RGS3: variants seen among roughly 807,000 people sequenced by gnomAD.
RGS3 encodes the protein regulator of G-protein signalling 3.
RGS3 carries 80 observed loss-of-function variants against 132.6 expected under a neutral mutation model. That is an observed-to-expected ratio of 0.60 (90% CI 0.50 to 0.73). The LOEUF is 0.73. RGS3 is among the 30% of genes least tolerant of loss of function. The pLI, the probability that RGS3 is intolerant of heterozygous loss-of-function variation, is 0.00. For missense variants in RGS3, 1,382 were observed against 1,530.8 expected, an observed-to-expected ratio of 0.90 and a Z score of 1.62; for synonymous variants, 598 against 620.6, an observed-to-expected ratio of 0.96 and a Z score of 0.54.
intron 1 of RGS3, among the ~76,000 whole-genome samples, chr9:113,445,235 T>C (rs1588121409): frequency 2.0e-5 from 3 of 152,220 alleles, no homozygotes; most frequent in Middle Eastern, 6.8e-3. Context: ...TTTGCTCTTG[T>C]TGCCTAGGCT....
chr9:113,583,347 C>T (rs779918770), intron 19 of RGS3, 103 bp from the exon 18 acceptor site: 145 of 1,475,832 alleles, frequency 9.8e-5, no homozygotes, highest in East Asian at 2.5e-4. Context: ...ACTGGGGGCC[C>T]GGGGTTCAGG....
exon 7 of RGS3, chr9:113,485,659 T>C (rs1830308925): frequency 1.3e-6 from 2 of 1,597,874 alleles, no homozygotes; most frequent in East Asian, 4.5e-5. Flanking sequence ...GAAGCGTCTC[T>C]TGGTTACTGT....
intron 1 of RGS3, among the ~76,000 whole-genome samples, chr9:113,451,588 A>C (rs1829246927): frequency 1.3e-5 from 2 of 152,136 alleles, no homozygotes; most frequent in Non-Finnish European, 2.9e-5. Flanking sequence ...GCAATTGCTA[A>C]CTTGCTAATA....
At chr9:113,520,313 C>T (rs996914812) in intron 16 of RGS3, among the ~76,000 whole-genome samples, 2 of 152,226 alleles carry the variant, frequency 1.3e-5, no homozygotes, top group African/African-American at 4.8e-5. Context: ...CACGCTTGCC[C>T]CTCTGCTCTG....
intron 3 of RGS3, among the ~76,000 whole-genome samples, chr9:113,469,553 C>G (rs894603865): frequency 1.3e-5 from 2 of 151,958 alleles, no homozygotes; most frequent in African/African-American, 4.8e-5. Context: ...TACAGACAGA[C>G]AGAAAAGTGT....
chr9:113,463,968 G>A lies in RGS3; in HGVS notation c.415+1767G>A, dbSNP rs887125505. On this transcript the variant is annotated intron_variant, in intron 3 of 24. Coordinates refer to ENST00000350696, the Ensembl canonical transcript of RGS3. This position sits in a 1 kb window ranked among gnomAD's most constrained non-coding sequence, Gnocchi z 4.6. ...GCAGCCCCTCGTGGTGACAGGGGAG[G>A]CTGGGAGCAGGTGCTCTTTCTATCT... The A allele has an allele frequency of 7.0e-7, 1 of 1,426,870 alleles. No homozygotes were observed. Among genetic ancestry groups the A allele is most frequent in the Non-Finnish European group, 9.7e-7 (1 of 1,035,136 alleles). The allele number at this position is 1,426,870 out of a possible 1,614,324, so 88.4% of individuals were successfully genotyped here.
chr9:113,500,668 C>T (rs1161523744), intron 10 of RGS3, among the ~76,000 whole-genome samples: 1 of 149,806 alleles, frequency 6.7e-6, no homozygotes, highest in African/African-American at 2.5e-5. Context: ...CTTCCATGGA[C>T]AAAGGACAAA....
intron 3 of RGS3, chr9:113,479,198 A>C: frequency 2.3e-6 from 1 of 430,862 alleles, no homozygotes; most frequent in African/African-American, 2.0e-5. Context: ...ACGACCCAGC[A>C]GTGAGATTTC....
chr9:113,551,626 G>A (rs1833342690), intron 19 of RGS3, among the ~76,000 whole-genome samples: 1 of 152,116 alleles, frequency 6.6e-6, no homozygotes, highest in African/African-American at 2.4e-5. Context: ...GAGGTGGGCC[G>A]ATTGCTTGAG....
chr9:113,580,605 GGT>G, intron 19 of RGS3: 1 of 174,892 alleles, frequency 5.7e-6, no homozygotes, highest in Non-Finnish European at 1.1e-5. Flanking sequence ...GCCTGGCTCG[GGT>G]ATCTGAGCAC....
intron 3 of RGS3, among the ~76,000 whole-genome samples, chr9:113,478,177 C>T (rs899054022): frequency 2.6e-5 from 4 of 152,098 alleles, no homozygotes; most frequent in Admixed American, 1.3e-4. Context: ...CTTCCAGCCC[C>T]GTCCTTCTGT....
At chr9:113,589,876 C>T (rs376414159) in intron 20 of RGS3, 17 of 152,298 alleles carry the variant, frequency 1.1e-4, no homozygotes, top group African/African-American at 3.9e-4. Flanking sequence ...AAATGGAAGC[C>T]GAGAGGCTAG....
chr9:113,581,046 G>A, intron 19 of RGS3: 1 of 955,470 alleles, frequency 1.0e-6, no homozygotes, highest in Non-Finnish European at 1.2e-6. Flanking sequence ...GGGAGGTCTG[G>A]CCATGTGGTA....
At chr9:113,587,443 C>T (rs189982666) in intron 20 of RGS3, among the ~76,000 whole-genome samples, 1 of 152,308 alleles carries the variant, frequency 6.6e-6, no homozygotes. Flanking sequence ...GCCTCCTCCT[C>T]CCTGGCTCTG....
intron 1 of RGS3, among the ~76,000 whole-genome samples, chr9:113,461,499 A>G (rs1564445433): frequency 6.6e-6 from 1 of 152,176 alleles, no homozygotes; most frequent in Admixed American, 6.5e-5. Context: ...CCAGCACGCT[A>G]CTGAGTAAAG....
intron 19 of RGS3, among the ~76,000 whole-genome samples, chr9:113,550,406 GT>G (rs1833292580): frequency 6.6e-6 from 1 of 152,318 alleles, no homozygotes; most frequent in East Asian, 1.9e-4. Context: ...ATGAATGAAT[GT>G]TTTGTTAGAA....
Position 113,591,911 on chromosome 9 carries a change from AGGGTG to A in RGS3, c.3080+515_3080+519del, listed in dbSNP as rs1835450224. 6.2e-6 allele frequency: 1 copy of A among 161,166 alleles called. No individual in the cohort carries two copies. The highest frequency in any genetic ancestry group is 1.4e-5 in the Non-Finnish European group (1 of 72,424). The allele number at this position is 161,166 out of a possible 1,614,324, so 10.0% of individuals were successfully genotyped here. A position where few individuals can be genotyped will look rare whatever the true frequency, so the allele number is the denominator to read the frequency against. ...CCACACTCAGGCCTTCTTATACTAT[AGGGTG>A]TTTGTTAGAGGTGTCAATGAAAAAG... On this transcript the variant is annotated intron_variant, in intron 21 of 24. Coordinates refer to ENST00000350696, the Ensembl canonical transcript of RGS3. This position sits in a 1 kb window ranked among gnomAD's most constrained non-coding sequence, Gnocchi z 4.4.
At chr9:113,515,396 C>T (rs1831602620) in intron 15 of RGS3, among the ~76,000 whole-genome samples, 1 of 152,096 alleles carries the variant, frequency 6.6e-6, no homozygotes, top group Non-Finnish European at 1.5e-5. Context: ...CTTTGGGAGG[C>T]CTAGGTGGTG....
intron 19 of RGS3, chr9:113,581,928 A>T (rs1007206084): frequency 1.5e-6 from 1 of 664,416 alleles, no homozygotes. Context: ...CCTTGGCCAG[A>T]TCACGCTAGA....
Sources: allele counts gnomAD v4.1 joint callset (sites outside exome capture counted in the v4.1 genomes callset), GRCh38; gene constraint gnomAD v4.1.1; non-coding constraint Gnocchi (gnomAD v3.1); transcripts MANE v1.5; gene names NCBI Gene and HGNC (gene_info 2026-07-23, HGNC 2026-07-21).